SELENBP1: variants seen among roughly 807,000 people sequenced by gnomAD.
The protein encoded by SELENBP1 is methanethiol oxidase.
Under a neutral mutation model 61.0 loss-of-function variants are expected in SELENBP1, and 71 were observed. The observed-to-expected ratio is 1.16, with a 90% CI of 0.96 to 1.42. The LOEUF (loss-of-function observed/expected upper bound fraction) is 1.42, where lower values mean the gene tolerates loss of function less well. SELENBP1 is among the 40% of genes most tolerant of loss of function. The pLI, the probability that SELENBP1 is intolerant of heterozygous loss-of-function variation, is 0.00. For synonymous variants in SELENBP1, 270 were observed against 238.9 expected (o/e 1.13, Z -1.20); for missense variants, 561 against 605.0 (o/e 0.93, Z 0.76).
intron 1 of SELENBP1, among the ~76,000 whole-genome samples, chr1:151,371,383 G>T (rs1652131282): frequency 1.3e-5 from 2 of 151,494 alleles, no homozygotes; most frequent in South Asian, 4.2e-4. Flanking sequence ...AGTCACTCCA[G>T]CCTGGGCAAC....
intron 10 of SELENBP1, 23 bp downstream of exon 10, chr1:151,365,166 C>G (rs371190194): frequency 1.9e-6 from 3 of 1,609,116 alleles, no homozygotes; most frequent in Non-Finnish European, 2.6e-6. Context: ...AGGGGTCCAG[C>G]AAGTAGGGGG....
intron 5 of SELENBP1, chr1:151,367,171 T>G: frequency 1.6e-6 from 1 of 606,582 alleles, no homozygotes; most frequent in South Asian, 4.6e-5. Context: ...GGTGAAACTC[T>G]GTCTCTATTA....
At chr1:151,367,614 G>C (rs1651921509) in intron 5 of SELENBP1, among the ~76,000 whole-genome samples, 1 of 152,076 alleles carries the variant, frequency 6.6e-6, no homozygotes, top group Non-Finnish European at 1.5e-5. Context: ...CAGAGTCTAA[G>C]CTCCATTCTG....
In SELENBP1 at chr1:151,364,323, T is replaced by G; in HGVS notation, c.*220A>C. On this transcript the variant is annotated 3_prime_UTR_variant, in exon 12 of 12. Transcript: ENST00000368868. ...GCCATCTGAAGGACAGGGTTACGAG[T>G]TTATTTCTTGGTGCCTCCAAGAGCT... 3 of 569,976 alleles carry G rather than the reference T, an allele frequency of 5.3e-6. No individual in the cohort carries two copies. Among genetic ancestry groups the G allele is most frequent in the Non-Finnish European group, 9.2e-6 (3 of 324,724 alleles). The allele number at this position is 569,976 out of a possible 1,614,324, so 35.3% of individuals were successfully genotyped here.
chr1:151,364,608 C>T lies in SELENBP1; in HGVS notation c.1354G>A (p.Gly452Ser), dbSNP rs138521747. The T allele has an allele frequency of 3.7e-6, 6 of 1,613,742 alleles. No individual in the cohort carries two copies. The highest frequency in any genetic ancestry group is 4.2e-6 in the Non-Finnish European group (5 of 1,179,890). ...FLVDFGKEPL[G>S]PALAHELRYP... ...CGGAGCTCATGGGCAAGGGCTGGGCCAAGGGGCTCCTTCCCGAAGTCCACC... is the reference window on the plus strand; with the variant it reads ...CGGAGCTCATGGGCAAGGGCTGGGCTAAGGGGCTCCTTCCCGAAGTCCACC... The change falls in exon 12 of 12, where the codon GGC becomes AGC. Residue 452 changes from glycine to serine, a missense_variant. Physicochemically the swap from Gly to Ser is moderately conservative, Grantham distance 56 (BLOSUM62 0). Coordinates refer to ENST00000368868, the MANE Select transcript of SELENBP1 (RefSeq NM_003944.4).
chr1:151,371,433 A>AT (rs1652134850), intron 1 of SELENBP1, among the ~76,000 whole-genome samples: 1 of 151,540 alleles, frequency 6.6e-6, no homozygotes, highest in African/African-American at 2.4e-5. Context: ...AAAATAATGA[A>AT]TTACTGTGTA....
Position 151,364,721 on chromosome 1 carries a change from A to G in SELENBP1, c.1257-16T>C, listed in dbSNP as rs1651707030. The G allele has an allele frequency of 6.4e-7, 1 of 1,568,952 alleles. No homozygotes were observed. The highest frequency in any genetic ancestry group is 8.6e-7 in the Non-Finnish European group (1 of 1,156,542). ...AGAGCCTTCCCTGGTGGAAAAGGGAATGGGGTAAGGGAGAGGTCAGAGGTG... is the reference window on the plus strand; with the variant it reads ...AGAGCCTTCCCTGGTGGAAAAGGGAGTGGGGTAAGGGAGAGGTCAGAGGTG... On this transcript the variant is annotated splice_polypyrimidine_tract_variant and intron_variant, in intron 11 of 11. Coordinates refer to ENST00000368868, the MANE Select transcript of SELENBP1 (RefSeq NM_003944.4).
intron 2 of SELENBP1, 36 bp from the exon 3 acceptor site, chr1:151,369,590 G>A (rs756988729): frequency 7.0e-6 from 11 of 1,573,624 alleles, no homozygotes; most frequent in Non-Finnish European, 8.6e-6. Flanking sequence ...GGACGGCAGG[G>A]TGGGAAGGAA....
chr1:151,365,778 G>C lies in SELENBP1; in HGVS notation c.912C>G (p.Pro304=). The C allele has an allele frequency of 6.2e-7, 1 of 1,614,016 alleles. No individual in the cohort carries two copies. The highest frequency in any genetic ancestry group is 1.3e-5 in the African/African-American group (1 of 74,994). ...PPKKVKGWLL[P]EMPGLITDIL... is the part of the protein sequence containing the mutation. ...GCCCTAGGCACTCACCTGGCATTTCGGGCAGCAGCCAGCCCTTCACTTTCT... is the reference window on the plus strand; with the variant it reads ...GCCCTAGGCACTCACCTGGCATTTCCGGCAGCAGCCAGCCCTTCACTTTCT... Residue 304 remains proline, a synonymous_variant, in exon 8 of 12, where the codon CCC becomes CCG. Transcript: ENST00000368868.
chr1:151,364,485 C>T lies in SELENBP1; in HGVS notation c.*58G>A, dbSNP rs1651687434. ...GGTGCCAAGAGAGAGCAGAATGAAG[C>T]CAGGTCCCCAAGGAAGTGAGGGCCC... On this transcript the variant is annotated 3_prime_UTR_variant, in exon 12 of 12. Transcript: ENST00000368868. 1 of 1,607,120 alleles carries T rather than the reference C, an allele frequency of 6.2e-7. No individual in the cohort carries two copies. Among genetic ancestry groups the T allele is most frequent in the African/African-American group, 1.3e-5 (1 of 74,900 alleles).
chr1:151,372,599 CAG>C, intron 1 of SELENBP1, 37 bp downstream of exon 1: 1 of 1,613,960 alleles, frequency 6.2e-7, no homozygotes, highest in South Asian at 1.1e-5. Flanking sequence ...TAGGGGCAGA[CAG>C]AGCAGGCAAT....
chr1:151,372,561 G>C, intron 1 of SELENBP1, 77 bp downstream of exon 1: 1 of 1,596,872 alleles, frequency 6.3e-7, no homozygotes, highest in Non-Finnish European at 8.6e-7. Flanking sequence ...AGGTTTTCTA[G>C]CATTTTCTGG....
Position 151,366,891 on chromosome 1 carries a change from C to A in SELENBP1, c.495G>T (p.Leu165=). The A allele has an allele frequency of 6.2e-7, 1 of 1,613,924 alleles. No individual in the cohort carries two copies. The highest frequency in any genetic ancestry group is 8.5e-7 in the Non-Finnish European group (1 of 1,179,856). Residue 165 remains leucine (L), a synonymous_variant, in exon 6 of 12, where the codon CTG becomes CTT. Coordinates refer to ENST00000368868, the MANE Select transcript of SELENBP1 (RefSeq NM_003944.4). ...TCACCTCGAACGTCTCCCCATCCAG[C>A]AGCACAAAACCCCCTGAACAGGGAA... The part of the protein sequence containing the change: ...VKGNGKGGFV[L]LDGETFEVKG...
rs1651891684 is a variant in SELENBP1, at chr1:151,367,355, A to AAAAAAGAAAAAAAAAAAAAGAAAAG, written c.482-452_482-451insCTTTTCTTTTTTTTTTTTTCTTTTT. The AAAAAAGAAAAAAAAAAAAAGAAAAG allele has an allele frequency of 6.1e-5, 3 of 49,264 alleles. 1 individual carries two copies. The highest frequency in any genetic ancestry group is 2.4e-4 in the African/African-American group (3 of 12,404). The allele number at this position is 49,264 out of a possible 1,614,324, so 3.1% of individuals were successfully genotyped here. A position where few individuals can be genotyped will look rare whatever the true frequency, so the allele number is the denominator to read the frequency against. On this transcript the variant is annotated intron_variant, in intron 5 of 11. Coordinates refer to ENST00000368868, the MANE Select transcript of SELENBP1 (RefSeq NM_003944.4). ...CGAGACTCCCATCTCAAAAAAAAAA[A>AAAAAAGAAAAAAAAAAAAAGAAAAG]AAAAAGAGAAAAGAAAAAGAAAAAA...
intron 11 of SELENBP1, 97 bp from the exon 12 acceptor site, chr1:151,364,802 C>A: frequency 6.6e-7 from 1 of 1,508,042 alleles, no homozygotes; most frequent in African/African-American, 1.4e-5. Flanking sequence ...GAGGAATGAC[C>A]AGGGTCTCAA....
intron 11 of SELENBP1, 35 bp downstream of exon 11, chr1:151,364,891 G>A: frequency 6.2e-7 from 1 of 1,601,346 alleles, no homozygotes. Flanking sequence ...GGAAGAGGAG[G>A]GCTGGGGAGG....
intron 5 of SELENBP1, chr1:151,367,127 G>A: frequency 8.4e-7 from 1 of 1,186,222 alleles, no homozygotes; most frequent in Non-Finnish European, 1.1e-6. Context: ...CGGATCACTT[G>A]AGGTCAGGAG....
chr1:151,365,913 G>C (rs1651792310), intron 7 of SELENBP1, 67 bp from the exon 8 acceptor site: 1 of 1,564,252 alleles, frequency 6.4e-7, no homozygotes, highest in African/African-American at 1.4e-5. Flanking sequence ...TGGGGACTAG[G>C]GGTTAGATCT....
chr1:151,364,910 T>A lies in SELENBP1; in HGVS notation c.1256+16A>T. 1 of 1,610,184 alleles carries A rather than the reference T, an allele frequency of 6.2e-7. No homozygotes were observed. Among genetic ancestry groups the A allele is most frequent in the East Asian group, 2.2e-5 (1 of 44,858 alleles). ...GAGGAGGGCTGGGGAGGAGAGCCCA[T>A]GTGTCTGCTTCTCACCTGATGAGAT... is the stretch of plus-strand genomic sequence containing the variant. On this transcript the variant is annotated intron_variant, in intron 11 of 11. Transcript: ENST00000368868.
Sources: allele counts gnomAD v4.1 joint callset (sites outside exome capture counted in the v4.1 genomes callset), GRCh38; gene constraint gnomAD v4.1.1; transcripts MANE v1.5; gene names NCBI Gene and HGNC (gene_info 2026-07-23, HGNC 2026-07-21).